FKBP1B: variants seen among roughly 807,000 people sequenced by gnomAD.
The protein encoded by FKBP1B is FKBP prolyl isomerase 1B.
Under a neutral mutation model 13.5 loss-of-function variants are expected in FKBP1B, and 4 were observed. That is an observed-to-expected ratio of 0.30 (90% confidence interval 0.15 to 0.68). The LOEUF is 0.68. Ranked by LOEUF, FKBP1B falls within the 30% of genes least tolerant of loss-of-function variation. The pLI, the probability that FKBP1B is intolerant of heterozygous loss-of-function variation, is 0.76. For synonymous variants in FKBP1B, 54 were observed against 53.6 expected (o/e 1.01, Z -0.03); for missense variants, 93 against 136.2 (o/e 0.68, Z 1.58).
the FKBP1B span, among the ~76,000 whole-genome samples, chr2:24,043,518 C>A: frequency 7.2e-6 from 1 of 139,138 alleles, no homozygotes; most frequent in African/African-American, 2.8e-5. Context: ...AAACAAAAAA[C>A]CCCCCAACAA....
chr2:24,049,962 A>AG (rs993012754), intron 1 of FKBP1B, 76 bp downstream of exon 1: 2 of 1,221,684 alleles, frequency 1.6e-6, no homozygotes, highest in African/African-American at 3.2e-5. Context: ...TCTGATTCGG[A>AG]GGTGGCGTGG....
At chr2:24,034,950 ATAT>A in the FKBP1B span, among the ~76,000 whole-genome samples, 1 of 151,858 alleles carries the variant, frequency 6.6e-6, no homozygotes, top group Non-Finnish European at 1.5e-5. Flanking sequence ...ACAGAAAGAT[ATAT>A]TATTGTTTGC....
At chr2:24,045,246 C>T (rs981603549), upstream of FKBP1B, among the ~76,000 whole-genome samples, 2 of 152,198 alleles carry the variant, frequency 1.3e-5, no homozygotes, top group Non-Finnish European at 2.9e-5. Flanking sequence ...TTAAGGATAA[C>T]ACCCAGATTT....
chr2:24,053,287 A>ATTT (rs34185660), intron 1 of FKBP1B, among the ~76,000 whole-genome samples: 12 of 110,120 alleles, frequency 1.1e-4, no homozygotes, highest in South Asian at 6.6e-4. Flanking sequence ...AATTGAAAAG[A>ATTT]TTTTTTTTTT....
the FKBP1B span, among the ~76,000 whole-genome samples, chr2:24,042,812 C>G: frequency 0.16 from 23,880 of 152,002 alleles, 2,095 homozygotes; most frequent in South Asian, 0.2. Context: ...GCGGGCAGAT[C>G]ACCTGACCAT....
the FKBP1B span, among the ~76,000 whole-genome samples, chr2:24,034,975 C>G: frequency 2.0e-5 from 3 of 150,930 alleles, no homozygotes; most frequent in Non-Finnish European, 4.4e-5. Flanking sequence ...AGTAAAATAG[C>G]CTATTTAAAG....
At chr2:24,042,301 G>A in the FKBP1B span, among the ~76,000 whole-genome samples, 1 of 152,164 alleles carries the variant, frequency 6.6e-6, no homozygotes, top group East Asian at 1.9e-4. Context: ...ACTTTGGGAG[G>A]CCGAGGCAGG....
chr2:24,049,985 G>T, intron 1 of FKBP1B, 99 bp downstream of exon 1: 5 of 998,034 alleles, frequency 5.0e-6, no homozygotes, highest in Middle Eastern at 3.5e-4. Context: ...GGTGCTGAAG[G>T]GTCGGGGGGC....
intron 2 of FKBP1B, among the ~76,000 whole-genome samples, chr2:24,055,194 C>CTTT (rs71395180): frequency 7.6e-6 from 1 of 131,186 alleles, no homozygotes; most frequent in East Asian, 2.2e-4. Flanking sequence ...CATTGTTTTT[C>CTTT]TTTTTTTTTT....
chr2:24,044,131 G>A, the FKBP1B span, among the ~76,000 whole-genome samples: 39 of 152,162 alleles, frequency 2.6e-4, no homozygotes, highest in African/African-American at 8.2e-4. Flanking sequence ...ATTCCTAATG[G>A]GCCAATTACA....
the FKBP1B span, chr2:24,037,710 A>G: frequency 3.7e-6 from 6 of 1,613,658 alleles, no homozygotes; most frequent in Non-Finnish European, 5.1e-6. Context: ...GAAGATCTTG[A>G]GAGAGTGGAT....
rs1664356204 is a variant in FKBP1B, at chr2:24,060,827, T to C, written c.99T>C (p.Asn33=). 1 of 1,613,848 alleles carries C rather than the reference T, an allele frequency of 6.2e-7. No homozygotes were observed. Among genetic ancestry groups the C allele is most frequent in the South Asian group, 1.1e-5 (1 of 91,066 alleles). The change falls in exon 3 of 4, where the codon AAT becomes AAC. Residue 33 remains asparagine, a synonymous_variant. Transcript: ENST00000380986. ...TTGCTTTGACAGGAATGCTCCAAAA[T>C]GGGAAGAAGTTTGATTCATCCAGAG... The part of the protein sequence containing the change: ...CVVHYTGMLQ[N]GKKFDSSRDR...
At chr2:24,037,490 G>A in the FKBP1B span, among the ~76,000 whole-genome samples, 4 of 152,134 alleles carry the variant, frequency 2.6e-5, no homozygotes, top group Admixed American at 2.0e-4. Context: ...TGATATGTGC[G>A]CCTATCTGGT....
chr2:24,060,718 T>TAGATCTCG, intron 2 of FKBP1B, 96 bp from the exon 3 acceptor site: 3 of 826,276 alleles, frequency 3.6e-6, no homozygotes, highest in Admixed American at 2.0e-5. Context: ...GGAGCAGGTG[T>TAGATCTCG]GTGCAGAAAA....
At chr2:24,059,826 C>T (rs974009075) in intron 2 of FKBP1B, among the ~76,000 whole-genome samples, 23 of 130,334 alleles carry the variant, frequency 1.8e-4, no homozygotes, top group African/African-American at 4.9e-4. Context: ...ACCCGGGAGG[C>T]GGAGGTTGCA....
Position 24,063,564 on chromosome 2 carries a change from G to C in FKBP1B, c.*372G>C, listed in dbSNP as rs557953799. On this transcript the variant is annotated 3_prime_UTR_variant, in exon 4 of 4. Transcript: ENST00000380986. ...AAATGTACATGGCGTACCGTACACAGAGGGACTTGAGCCAGTTACCTTTGC... is the reference window on the plus strand; with the variant it reads ...AAATGTACATGGCGTACCGTACACACAGGGACTTGAGCCAGTTACCTTTGC... 2 of 246,394 alleles carry C rather than the reference G, an allele frequency of 8.1e-6. No homozygotes were observed. Among genetic ancestry groups the C allele is most frequent in the East Asian group, 1.2e-4 (2 of 16,792 alleles). 15.3% of individuals were successfully genotyped at this position (246,394 alleles called of 1,614,324 possible).
the FKBP1B span, chr2:24,038,366 T>A: frequency 3.1e-6 from 5 of 1,614,230 alleles, no homozygotes; most frequent in East Asian, 2.2e-5. Context: ...ATTTGCTGGA[T>A]GTTTGGGACT....
intron 2 of FKBP1B, among the ~76,000 whole-genome samples, chr2:24,058,290 T>C (rs556637625): frequency 6.6e-6 from 1 of 152,312 alleles, no homozygotes; most frequent in Non-Finnish European, 1.5e-5. Flanking sequence ...ATCTTTCATA[T>C]TTAGGTTTAT....
At chr2:24,039,508 G>A in the FKBP1B span, 1 of 1,606,030 alleles carries the variant, frequency 6.2e-7, no homozygotes. Context: ...TTTGATAAAG[G>A]TTACCTGAAA....
Sources: gnomAD v4.1 joint callset for allele counts (sites outside exome capture counted in the v4.1 genomes callset) on GRCh38, gnomAD v4.1.1 for gene constraint, MANE v1.5 for transcripts, NCBI Gene and HGNC (gene_info 2026-07-23, HGNC 2026-07-21) for gene names.